The following TMTC2 variants were observed in gnomAD, a reference collection of about 807,000 sequenced individuals.
TMTC2 encodes the protein transmembrane O-mannosyltransferase targeting cadherins 2, also known as protein O-mannosyl-transferase TMTC2.
Under a neutral mutation model 82.4 loss-of-function variants are expected in TMTC2, and 43 were observed. The observed-to-expected ratio is 0.52, with a 90% CI of 0.41 to 0.67. The LOEUF (loss-of-function observed/expected upper bound fraction) is 0.67, where lower values mean the gene tolerates loss of function less well. Among genes scored for constraint, TMTC2 ranks in the 30% least tolerant of loss-of-function variants. TMTC2 has a pLI of 0.00. For synonymous variants in TMTC2, 408 were observed against 381.9 expected (o/e 1.07, Z -0.80); for missense variants, 919 against 1,012.4 (o/e 0.91, Z 1.25).
intron 11 of TMTC2, among the ~76,000 whole-genome samples, chr12:83,094,188 G>C (rs1883943953): frequency 6.6e-6 from 1 of 152,190 alleles, no homozygotes; most frequent in Non-Finnish European, 1.5e-5. Flanking sequence ...ATGCCCTGGG[G>C]GCACCAAGTA....
At chr12:82,971,879 A>G (rs1878463488) in intron 7 of TMTC2, among the ~76,000 whole-genome samples, 1 of 152,082 alleles carries the variant, frequency 6.6e-6, no homozygotes, top group South Asian at 2.1e-4. Flanking sequence ...AAATGTAAAT[A>G]GTTAATCTAG....
chr12:82,749,993 C>T (rs1875899254), intron 1 of TMTC2, among the ~76,000 whole-genome samples: 1 of 152,116 alleles, frequency 6.6e-6, no homozygotes, highest in Non-Finnish European at 1.5e-5. Context: ...CTGCCTCGGC[C>T]ACCCAAAGTG....
intron 1 of TMTC2, among the ~76,000 whole-genome samples, chr12:82,805,568 C>T (rs919579839): frequency 3.1e-5 from 4 of 127,630 alleles, no homozygotes; most frequent in South Asian, 5.2e-4. Flanking sequence ...AGTGAAGTGG[C>T]GCGATCTTGG....
chr12:82,815,435 T>C (rs12320924), intron 1 of TMTC2, among the ~76,000 whole-genome samples: 38,470 of 151,450 alleles, frequency 0.25, 6,522 homozygotes, highest in African/African-American at 0.48. Flanking sequence ...CTCAGCCTCC[T>C]GAGTAGCTGG....
At chr12:82,955,692 C>T (rs1877577430) in intron 4 of TMTC2, among the ~76,000 whole-genome samples, 1 of 152,076 alleles carries the variant, frequency 6.6e-6, no homozygotes, top group Non-Finnish European at 1.5e-5. Flanking sequence ...TAGTTCATAT[C>T]TCCAGGTGTA....
chr12:82,737,141 A>G (rs1592888752), intron 1 of TMTC2, among the ~76,000 whole-genome samples: 1 of 152,184 alleles, frequency 6.6e-6, no homozygotes. Flanking sequence ...CAATGCCATG[A>G]GTGCTTTTCT....
At chr12:82,903,395 T>TTTTTTTTG (rs1874124273) in intron 3 of TMTC2, among the ~76,000 whole-genome samples, 1 of 151,670 alleles carries the variant, frequency 6.6e-6, no homozygotes, top group South Asian at 2.1e-4. Flanking sequence ...AGGTAGAGTT[T>TTTTTTTTG]TTTTGTTTTT....
chr12:82,733,571 A>G (rs1039667052), intron 1 of TMTC2, among the ~76,000 whole-genome samples: 10 of 152,212 alleles, frequency 6.6e-5, no homozygotes, highest in Non-Finnish European at 1.5e-4. Context: ...ATCTTTCTGT[A>G]AATGACATGC....
chr12:82,958,323 C>G (rs1371913068), intron 4 of TMTC2, among the ~76,000 whole-genome samples: 1 of 136,944 alleles, frequency 7.3e-6, no homozygotes, highest in African/African-American at 2.7e-5. Flanking sequence ...CCACTATACT[C>G]CAGCCTAGGT....
intron 11 of TMTC2, among the ~76,000 whole-genome samples, chr12:83,084,351 C>T (rs541674915): frequency 9.4e-4 from 143 of 152,210 alleles, no homozygotes; most frequent in African/African-American, 3.4e-3. Flanking sequence ...TTTTATCCCC[C>T]CTATTATATT....
chr12:82,813,993 A>G (rs1235947354), intron 1 of TMTC2, among the ~76,000 whole-genome samples: 2 of 152,160 alleles, frequency 1.3e-5, no homozygotes, highest in Non-Finnish European at 1.5e-5. Context: ...AGATTATAGC[A>G]TACTTAACAG....
intron 11 of TMTC2, among the ~76,000 whole-genome samples, chr12:83,098,447 T>A (rs570452780): frequency 1.3e-5 from 2 of 152,312 alleles, no homozygotes; most frequent in East Asian, 3.9e-4. Flanking sequence ...TGAGTGAAAT[T>A]TTGTAAGAGA....
At chr12:82,765,812 G>T (rs1565740859) in intron 1 of TMTC2, among the ~76,000 whole-genome samples, 1 of 151,982 alleles carries the variant, frequency 6.6e-6, no homozygotes, top group African/African-American at 2.4e-5. Context: ...GTCAGAAAAA[G>T]AAAAGAAGAA....
chr12:82,736,558 T>A (rs536167259), intron 1 of TMTC2, among the ~76,000 whole-genome samples: 1 of 152,344 alleles, frequency 6.6e-6, no homozygotes, highest in South Asian at 2.1e-4. Flanking sequence ...AATTGCAACC[T>A]AATATCAGAA....
chr12:83,010,369 T>G (rs1880400396), intron 8 of TMTC2, among the ~76,000 whole-genome samples: 1 of 152,158 alleles, frequency 6.6e-6, no homozygotes, highest in Non-Finnish European at 1.5e-5. Context: ...ACTCACCACA[T>G]CATCTCATCT....
chr12:83,055,705 G>GGTGT (rs58129444), intron 10 of TMTC2, among the ~76,000 whole-genome samples: 3,492 of 147,950 alleles, frequency 0.024, 63 homozygotes, highest in Non-Finnish European at 0.029. Flanking sequence ...TAGTGGAAGG[G>GGTGT]GTGTGTGTGT....
chr12:82,817,224 C>T (rs753444636), intron 1 of TMTC2, among the ~76,000 whole-genome samples: 3 of 152,078 alleles, frequency 2.0e-5, no homozygotes, highest in Admixed American at 6.5e-5. Flanking sequence ...CTACCTCAGC[C>T]TGCCAAAGTG....
chr12:83,041,344 G>A (rs556260269), intron 9 of TMTC2, among the ~76,000 whole-genome samples: 6 of 152,264 alleles, frequency 3.9e-5, no homozygotes, highest in Non-Finnish European at 7.4e-5. Context: ...TTGAGCATGA[G>A]GTGACTTGTG....
intron 8 of TMTC2, among the ~76,000 whole-genome samples, chr12:83,018,640 T>G (rs558754248): frequency 6.7e-5 from 10 of 148,642 alleles, no homozygotes; most frequent in Non-Finnish European, 1.5e-4. Context: ...TTATGCATCA[T>G]AGAATGCTAA....
Sources: allele counts gnomAD v4.1 joint callset (sites outside exome capture counted in the v4.1 genomes callset), GRCh38; gene constraint gnomAD v4.1.1; transcripts MANE v1.5; gene names NCBI Gene and HGNC (gene_info 2026-07-23, HGNC 2026-07-21).